AVEN: variants seen among roughly 807,000 people sequenced by gnomAD.
AVEN encodes cell death regulator Aven.
Under a neutral mutation model 38.1 loss-of-function variants are expected in AVEN, and 41 were observed. The observed-to-expected ratio is 1.08, with a 90% CI of 0.84 to 1.40. The LOEUF (loss-of-function observed/expected upper bound fraction) is 1.40. AVEN is among the 40% of genes most tolerant of loss of function. AVEN has a pLI of 0.00. For missense variants in AVEN, 605 were observed against 438.8 expected, an observed-to-expected ratio of 1.38 and a Z score of -3.38; for synonymous variants, 206 against 171.8, an observed-to-expected ratio of 1.20 and a Z score of -1.56.
At chr15:33,866,850 A>AGAT (rs1890580195) in intron 5 of AVEN, 122 bp from the exon 6 acceptor site, 5 of 694,920 alleles carry the variant, frequency 7.2e-6, no homozygotes, top group South Asian at 5.7e-5. Flanking sequence ...TTACTCCCTA[A>AGAT]GATGATACAG....
At chr15:33,979,095 C>T (rs1039125719) in intron 2 of AVEN, among the ~76,000 whole-genome samples, 4 of 152,122 alleles carry the variant, frequency 2.6e-5, no homozygotes, top group Admixed American at 2.6e-4. Context: ...AATAAAGAAC[C>T]GTTTACTTCC....
chr15:33,952,493 G>C (rs530148083), intron 2 of AVEN, among the ~76,000 whole-genome samples: 1 of 152,130 alleles, frequency 6.6e-6, no homozygotes, highest in East Asian at 1.9e-4. Flanking sequence ...TTCTGAGTCA[G>C]ATACCAACAT....
At chr15:33,879,173 C>A (rs1422586316) in intron 2 of AVEN, among the ~76,000 whole-genome samples, 1 of 151,380 alleles carries the variant, frequency 6.6e-6, no homozygotes, top group Non-Finnish European at 1.5e-5. Flanking sequence ...CAATGATAGA[C>A]CGGATTAAGA....
intron 2 of AVEN, among the ~76,000 whole-genome samples, chr15:33,901,586 T>G (rs1892499720): frequency 6.6e-6 from 1 of 152,230 alleles, no homozygotes; most frequent in Admixed American, 6.5e-5. Flanking sequence ...TTTAGGAACC[T>G]CCATACTGTT....
At chr15:33,864,266 C>G (rs1056647180), downstream of AVEN, 2 of 1,130,688 alleles carry the variant, frequency 1.8e-6, no homozygotes, top group Non-Finnish European at 2.6e-6. Context: ...CATAGGTTAT[C>G]TGAAATACAT....
chr15:33,928,501 G>A (rs1404559836), intron 2 of AVEN, among the ~76,000 whole-genome samples: 3 of 152,202 alleles, frequency 2.0e-5, no homozygotes, highest in African/African-American at 7.2e-5. Context: ...AATGCCTTAT[G>A]AGGACTAATT....
chr15:33,978,337 T>C (rs1895980058), intron 2 of AVEN, among the ~76,000 whole-genome samples: 2 of 152,156 alleles, frequency 1.3e-5, no homozygotes, highest in South Asian at 4.1e-4. Context: ...GGGGAGTACA[T>C]TTAATAATTG....
At position 33,886,307 on chromosome 15, in the gene AVEN, T is replaced by C. The variant is rs1891697971; in HGVS notation, c.446-10312A>G. Among the ~76,000 whole-genome samples the C allele has an allele frequency of 2.0e-5, 3 of 152,092 alleles. No individual in the cohort carries two copies. In the South Asian group the frequency reaches 6.2e-4, roughly 32 times the overall value. On this transcript the variant is annotated intron_variant, in intron 2 of 5. Coordinates refer to ENST00000306730, the MANE Select transcript of AVEN (RefSeq NM_020371.3). ...GATAGTAAGTTCTGACAAGATTTGA[T>C]GGTTTTTTGTTTTGAGATGGAGTCT...
intron 2 of AVEN, among the ~76,000 whole-genome samples, chr15:33,982,670 A>G (rs1019731583): frequency 6.6e-5 from 10 of 152,228 alleles, no homozygotes; most frequent in Non-Finnish European, 1.5e-4. Context: ...AATGGAAACA[A>G]GAATTTGTTT....
upstream of AVEN, among the ~76,000 whole-genome samples, chr15:34,040,517 T>C (rs941243842): frequency 6.6e-6 from 1 of 152,170 alleles, no homozygotes; most frequent in Admixed American, 6.5e-5. Context: ...CAAACACTAT[T>C]CTACATACTT....
chr15:33,920,977 T>C (rs553049252), intron 2 of AVEN, among the ~76,000 whole-genome samples: 133 of 152,294 alleles, frequency 8.7e-4, no homozygotes, highest in Non-Finnish European at 3.4e-4. Flanking sequence ...GTTTCCACCA[T>C]GTTGCCCAGG....
intron 2 of AVEN, among the ~76,000 whole-genome samples, chr15:33,979,378 G>A (rs1449092729): frequency 2.6e-5 from 4 of 151,986 alleles, no homozygotes; most frequent in African/African-American, 9.7e-5. Context: ...GCATGCTAGG[G>A]TGTGGCTGTA....
chr15:33,899,640 T>TG (rs34025560), intron 2 of AVEN, among the ~76,000 whole-genome samples: 93,425 of 151,050 alleles, frequency 0.62, 29,483 homozygotes, highest in Middle Eastern at 0.72. Context: ...AGCTGATTTT[T>TG]TATTTTTAGT....
chr15:33,866,029 G>A (rs1314618340), downstream of AVEN: 1 of 153,414 alleles, frequency 6.5e-6, no homozygotes, highest in African/African-American at 2.4e-5. Flanking sequence ...TGTAAGTAGT[G>A]GAGCTGCTCT....
chr15:33,886,257 G>A (rs1345704816), intron 2 of AVEN, among the ~76,000 whole-genome samples: 1 of 152,158 alleles, frequency 6.6e-6, no homozygotes, highest in African/African-American at 2.4e-5. Flanking sequence ...AATCATGGGG[G>A]GCGGTCTCCC....
chr15:33,870,659 A>G lies in AVEN; in HGVS notation c.612+276T>C, dbSNP rs183592763. The stretch of plus-strand genomic sequence containing the variant: ...GTGCCGAACATAGAGCGTGATGCGT[A>G]AATATTTTGAGTAAAATAGCCAGAC... On this transcript the variant is annotated intron_variant, in intron 4 of 5. Transcript: ENST00000306730. 2.2e-3 allele frequency among the ~76,000 whole-genome samples: 337 copies of G among 152,336 alleles called. 2 individuals are homozygous for G. Among genetic ancestry groups the G allele is most frequent in the African/African-American group, 7.9e-3 (330 of 41,566 alleles).
intron 1 of AVEN, among the ~76,000 whole-genome samples, chr15:34,028,286 C>T (rs927893722): frequency 6.6e-6 from 1 of 152,106 alleles, no homozygotes; most frequent in Non-Finnish European, 1.5e-5. Flanking sequence ...AAGAGAAGGC[C>T]AGGTGCAGTG....
chr15:34,031,245 G>A (rs1348587260), intron 1 of AVEN, among the ~76,000 whole-genome samples: 2 of 127,368 alleles, frequency 1.6e-5, no homozygotes, highest in Non-Finnish European at 3.1e-5. Flanking sequence ...CGCGATCTCA[G>A]CTCACTGCAA....
chr15:33,947,371 A>G (rs111805678), intron 2 of AVEN, among the ~76,000 whole-genome samples: 149 of 152,336 alleles, frequency 9.8e-4, no homozygotes, highest in African/African-American at 3.4e-3. Flanking sequence ...ACCCCAACCA[A>G]TGAATAGGAA....
Sources: allele counts gnomAD v4.1 joint callset (sites outside exome capture counted in the v4.1 genomes callset), GRCh38; gene constraint gnomAD v4.1.1; transcripts MANE v1.5; gene names NCBI Gene and HGNC (gene_info 2026-07-23, HGNC 2026-07-21).